Variants in NBPF12 observed in about 807,000 individuals in gnomAD.
The protein encoded by NBPF12 is NBPF family member NBPF12.
In NBPF12, 115 loss-of-function variants were observed where a neutral mutation model predicts 146.4. The ratio of observed to expected loss-of-function variants is 0.79; its 90% CI spans 0.68 to 0.92. The LOEUF (loss-of-function observed/expected upper bound fraction) is 0.92. Ranked by LOEUF, NBPF12 falls within the 40% of genes least tolerant of loss-of-function variation. The pLI is 0.00. For missense variants in NBPF12, 1,205 were observed against 1,326.8 expected (o/e 0.91, Z 1.43); for synonymous variants, 385 against 508.9 (o/e 0.76, Z 3.28).
intron 14 of NBPF12, among the ~76,000 whole-genome samples, chr1:146,973,765 G>T (rs1284636148): frequency 2.0e-5 from 3 of 146,684 alleles, no homozygotes; most frequent in Non-Finnish European, 3.0e-5. Context: ...TCCAGCCTGG[G>T]TGACAGGGCA....
exon 6 of NBPF12, chr1:146,963,178 G>A (rs1454609039): frequency 6.9e-6 from 11 of 1,603,218 alleles, no homozygotes; most frequent in Middle Eastern, 4.5e-4. Context: ...GATGCCTCCC[G>A]CTCATTGAAT....
At chr1:146,962,891 C>A (rs1326476500) in intron 5 of NBPF12, among the ~76,000 whole-genome samples, 2 of 151,292 alleles carry the variant, frequency 1.3e-5, no homozygotes, top group African/African-American at 2.4e-5. Context: ...CATCGAGGAT[C>A]TTGCAGGAGC....
chr1:146,948,370 C>T (rs1655164004), upstream of NBPF12, among the ~76,000 whole-genome samples: 1 of 151,766 alleles, frequency 6.6e-6, no homozygotes, highest in South Asian at 2.1e-4. Flanking sequence ...AAGAAGTAGA[C>T]ATAAGAGACT....
exon 13 of NBPF12, chr1:146,971,198 T>C: frequency 1.2e-6 from 2 of 1,611,640 alleles, no homozygotes; most frequent in Middle Eastern, 1.9e-4. Context: ...TGCAGAAGGC[T>C]GAAGAAAGCA....
chr1:146,972,964 A>G lies in NBPF12; in HGVS notation c.1801+4A>G, dbSNP rs1656750621. On this transcript the variant is annotated splice_donor_region_variant and intron_variant, in intron 14 of 33. Coordinates refer to ENST00000617844, the Ensembl canonical transcript of NBPF12. Reference sequence around the variant, plus strand: ...GCCAAGCAGCAGAACAAATACAGTAAGATCTATATGCTCACCATCATGAAA... The same window carrying G: ...GCCAAGCAGCAGAACAAATACAGTAGGATCTATATGCTCACCATCATGAAA... The G allele has an allele frequency of 3.3e-6, 3 of 910,714 alleles. No homozygotes were observed. Among genetic ancestry groups the G allele is most frequent in the Non-Finnish European group, 1.9e-6 (1 of 539,356 alleles). 56.4% of individuals were successfully genotyped at this position (910,714 alleles called of 1,614,324 possible).
intron 2 of NBPF12, among the ~76,000 whole-genome samples, chr1:146,954,965 A>G (rs1211888155): frequency 1.1e-5 from 1 of 89,368 alleles, no homozygotes; most frequent in African/African-American, 4.3e-5. Flanking sequence ...ATCTCCAAAT[A>G]GGGAATATAT....
exon 1 of NBPF12, chr1:146,938,888 C>T (rs1460746074): frequency 1.3e-5 from 2 of 152,172 alleles, no homozygotes; most frequent in Non-Finnish European, 2.9e-5. Context: ...GACGGGCGAC[C>T]TGCGGCGCCA....
chr1:146,954,997 TATATATATATATATATAC>T (rs1194708740), intron 2 of NBPF12, among the ~76,000 whole-genome samples: 2 of 52,814 alleles, frequency 3.8e-5, no homozygotes, highest in African/African-American at 6.9e-5. Context: ...TATATATATA[TATATATATATATATATAC>T]ACACACACAC....
chr1:146,968,683 C>G (rs1408849308), intron 10 of NBPF12, 133 bp downstream of exon 13: 4 of 782,258 alleles, frequency 5.1e-6, no homozygotes, highest in Non-Finnish European at 2.2e-6. Flanking sequence ...GCTCGCTACA[C>G]ACAAATATTT....
chr1:146,965,654 C>T (rs1277279799), intron 8 of NBPF12, among the ~76,000 whole-genome samples: 4 of 149,016 alleles, frequency 2.7e-5, no homozygotes, highest in South Asian at 2.1e-4. Context: ...TAGCTGGGCG[C>T]GGTGGTGGGC....
At chr1:146,956,198 C>G (rs1352055558) in intron 2 of NBPF12, among the ~76,000 whole-genome samples, 3 of 150,458 alleles carry the variant, frequency 2.0e-5, no homozygotes, top group South Asian at 2.1e-4. Context: ...ACTACTCAGT[C>G]TTTACAAGAC....
chr1:146,978,260 A>ATTTTTTTTTTTT (rs1187524068), intron 18 of NBPF12, among the ~76,000 whole-genome samples: 5 of 83,888 alleles, frequency 6.0e-5, no homozygotes, highest in Non-Finnish European at 8.9e-5. Context: ...AGCGTCGTAG[A>ATTTTTTTTTTTT]TTTTTTTTTT....
Position 146,969,705 on chromosome 1 carries a change from A to T in NBPF12, c.1306+109A>T, listed in dbSNP as rs1298945904. The stretch of plus-strand genomic sequence containing the variant: ...TATCAGTGGGGTTTTTTTCTACTAC[A>T]CATGTGTGGCCATGACATGACCAGG... On this transcript the variant is annotated intron_variant, in intron 11 of 33. Coordinates refer to ENST00000617844, the Ensembl canonical transcript of NBPF12. 2.6e-6 allele frequency: 4 copies of T among 1,564,366 alleles called. No individual in the cohort carries two copies. In the African/African-American group the frequency reaches 5.5e-5, roughly 21 times the overall value.
chr1:146,992,552 T>G (rs1233506555), intron 31 of NBPF12, among the ~76,000 whole-genome samples, 160 bp from the exon 35 acceptor site: 5 of 141,362 alleles, frequency 3.5e-5, no homozygotes, highest in Non-Finnish European at 7.7e-5. Context: ...CATTTGGCCC[T>G]GTTCTGTCCC....
upstream of NBPF12, among the ~76,000 whole-genome samples, chr1:146,938,324 G>C (rs1160765831): frequency 1.3e-5 from 2 of 152,154 alleles, no homozygotes; most frequent in African/African-American, 4.8e-5. Context: ...GGCGGAGCCC[G>C]GAAGTCAGAC....
In NBPF12 at chr1:146,953,455, C is replaced by T. The variant is rs1415934374; in HGVS notation, c.-184+1966C>T. 2.0e-4 allele frequency among the ~76,000 whole-genome samples: 26 copies of T among 132,048 alleles called. 1 individual carries two copies. The highest frequency in any genetic ancestry group is 1.1e-3 in the Admixed American group (14 of 12,364). The allele number at this position is 132,048 out of a possible 152,430, so 86.6% of individuals were successfully genotyped here. ...AATGCTGCCACAAGTGTGATCCGCC[C>T]GCCTCAGCCTCCCAAAGTGCTGGGA... On this transcript the variant is annotated intron_variant, in intron 2 of 33. Coordinates refer to ENST00000617844, the Ensembl canonical transcript of NBPF12.
intron 30 of NBPF12, among the ~76,000 whole-genome samples, chr1:146,991,543 G>A (rs1658155841): frequency 6.6e-6 from 1 of 152,382 alleles, no homozygotes; most frequent in African/African-American, 2.4e-5. Flanking sequence ...TTGGACCCAG[G>A]CAGATGTAAA....
chr1:146,963,358 G>T (rs1655981354), intron 6 of NBPF12, 49 bp downstream of exon 9: 1 of 1,588,830 alleles, frequency 6.3e-7, no homozygotes, highest in Non-Finnish European at 8.6e-7. Flanking sequence ...GCTTATGAGA[G>T]GCTCCAGACC....
rs1356281183 is a variant in NBPF12 at position 146,994,348 on chromosome 1, ATGGAAG to A, written c.4154_4159del (p.Val1385_Glu1386del). On this transcript the variant is annotated inframe_deletion, in exon 34 of 34. Coordinates refer to ENST00000617844, the Ensembl canonical transcript of NBPF12. ...CTTTTCCAGGCTCAACAGCGTGCTG[ATGGAAG>A]TGGAAGAGCCTGAAGTCTTGCAGGA... 2.3e-3 allele frequency: 3,711 copies of A among 1,611,688 alleles called. 108 individuals are homozygous for A. In the African/African-American group the frequency reaches 0.044, roughly 19 times the overall value.
Sources: gnomAD v4.1 joint callset for allele counts (sites outside exome capture counted in the v4.1 genomes callset) on GRCh38, gnomAD v4.1.1 for gene constraint, MANE v1.5 for transcripts, NCBI Gene and HGNC (gene_info 2026-07-23, HGNC 2026-07-21) for gene names.